The following RERE variants were observed in gnomAD, a reference collection of about 807,000 sequenced individuals.
RERE encodes arginine-glutamic acid dipeptide repeats protein.
In RERE, 40 loss-of-function variants were observed where a neutral mutation model predicts 146.1. The ratio of observed to expected loss-of-function variants is 0.27; its 90% CI spans 0.21 to 0.36. The LOEUF is 0.36. Among genes scored for constraint, RERE ranks in the 10% least tolerant of loss-of-function variants. RERE has a pLI of 1.00. For missense variants in RERE, 1,933 were observed against 2,138.7 expected, an observed-to-expected ratio of 0.90 and a Z score of 1.90; for synonymous variants, 1,003 against 866.0, an observed-to-expected ratio of 1.16 and a Z score of -2.78.
chr1:8,389,151 C>G (rs1183164083), intron 12 of RERE, among the ~76,000 whole-genome samples: 3 of 152,156 alleles, frequency 2.0e-5, no homozygotes, highest in African/African-American at 7.2e-5. Context: ...TTATCAAAAT[C>G]AGTCTAAAAT....
chr1:8,623,613 C>A (rs1646941380), intron 3 of RERE, among the ~76,000 whole-genome samples: 2 of 152,178 alleles, frequency 1.3e-5, no homozygotes, highest in Non-Finnish European at 2.9e-5. Context: ...TATTTGCAGA[C>A]CTCTGCCAAA....
intron 20 of RERE, among the ~76,000 whole-genome samples, chr1:8,357,655 G>A (rs1641350614): frequency 6.6e-6 from 1 of 152,234 alleles, no homozygotes; most frequent in East Asian, 1.9e-4. Context: ...CCTCTCCACA[G>A]CTGGTCAATG....
chr1:8,571,614 A>G lies in RERE; in HGVS notation c.523-14091T>C, dbSNP rs1486703352. Among the ~76,000 whole-genome samples the G allele has an allele frequency of 2.0e-5, 3 of 152,248 alleles. No homozygotes were observed. The East Asian group carries it at 5.8e-4, about 29-fold the overall frequency. ...CGTAAATCAGTCTGTCTTATCTTAA[A>G]TATCTTAATTATTTCTTCTCTTCCT... On this transcript the variant is annotated intron_variant, in intron 4 of 22. Coordinates refer to ENST00000400908, the MANE Select transcript of RERE (RefSeq NM_001042681.2).
At chr1:8,623,025 A>G (rs1431115665) in intron 3 of RERE, among the ~76,000 whole-genome samples, 2 of 152,252 alleles carry the variant, frequency 1.3e-5, no homozygotes, top group African/African-American at 4.8e-5. Flanking sequence ...GCCTAAGAGC[A>G]CAGACAGTGG....
chr1:8,780,927 TAAAG>T (rs1039593169), intron 1 of RERE, among the ~76,000 whole-genome samples: 2 of 151,768 alleles, frequency 1.3e-5, no homozygotes, highest in Non-Finnish European at 2.9e-5. Context: ...CATCCACAAT[TAAAG>T]AACCATGAGG....
chr1:8,564,654 C>A (rs192081576), intron 4 of RERE, among the ~76,000 whole-genome samples: 2,969 of 152,130 alleles, frequency 0.02, 44 homozygotes, highest in Non-Finnish European at 0.027. Flanking sequence ...CCAGGAATCC[C>A]ACTTCTGTGA....
intron 1 of RERE, among the ~76,000 whole-genome samples, chr1:8,777,965 T>G (rs1447660393): frequency 6.6e-6 from 1 of 151,962 alleles, no homozygotes; most frequent in Non-Finnish European, 1.5e-5. Context: ...AGTGATACCC[T>G]GCACAAATTA....
At chr1:8,416,598 A>AAGAAAAG (rs1553164002) in intron 12 of RERE, among the ~76,000 whole-genome samples, 1 of 147,684 alleles carries the variant, frequency 6.8e-6, no homozygotes, top group Non-Finnish European at 1.5e-5. Context: ...AAAAAAAAAA[A>AAGAAAAG]AAAAGAAAAG....
intron 2 of RERE, among the ~76,000 whole-genome samples, chr1:8,644,113 C>T (rs1647223132): frequency 6.6e-6 from 1 of 152,228 alleles, no homozygotes; most frequent in Non-Finnish European, 1.5e-5. Flanking sequence ...CAGCCCACAT[C>T]TATTTCCCCT....
chr1:8,544,985 T>G (rs1256806142), intron 6 of RERE, among the ~76,000 whole-genome samples: 1 of 152,188 alleles, frequency 6.6e-6, no homozygotes, highest in Non-Finnish European at 1.5e-5. Context: ...TAAAAATGTG[T>G]GTATATGTGT....
chr1:8,524,512 T>C (rs2124350354), intron 7 of RERE, among the ~76,000 whole-genome samples: 1 of 152,354 alleles, frequency 6.6e-6, no homozygotes, highest in East Asian at 1.9e-4. Context: ...CAATGCATAG[T>C]AAATTTCTTC....
rs1323765719 is a variant in RERE at position 8,565,183 on chromosome 1, G to A, written c.523-7660C>T. On this transcript the variant is annotated intron_variant, in intron 4 of 22. Transcript: ENST00000400908. ...CATGATTAATATAGTTAATAACAGTGTATTGTACATTTCAAAATTGGTAAG... is the reference window on the plus strand; with the variant it reads ...CATGATTAATATAGTTAATAACAGTATATTGTACATTTCAAAATTGGTAAG... 4.6e-5 allele frequency among the ~76,000 whole-genome samples: 7 copies of A among 152,112 alleles called. No homozygotes were observed. The East Asian group carries it at 1.2e-3, about 25-fold the overall frequency.
chr1:8,465,910 C>G lies in RERE; in HGVS notation c.1203+15G>C. On this transcript the variant is annotated intron_variant, in intron 11 of 22. Coordinates refer to ENST00000400908, the MANE Select transcript of RERE (RefSeq NM_001042681.2). Reference sequence around the variant, plus strand: ...GATGCCCCAGAGCACAAGGCAAATGCTGGTTCCTGCTCACCACTTCGTCCT... The same window carrying G: ...GATGCCCCAGAGCACAAGGCAAATGGTGGTTCCTGCTCACCACTTCGTCCT... The G allele has an allele frequency of 6.2e-7, 1 of 1,612,332 alleles. No individual in the cohort carries two copies. The highest frequency in any genetic ancestry group is 8.5e-7 in the Non-Finnish European group (1 of 1,178,422).
rs369783503 is a variant in RERE, at chr1:8,720,262, T to C, written c.-144-63821A>G. On this transcript the variant is annotated intron_variant, in intron 1 of 22. Coordinates refer to ENST00000400908, the MANE Select transcript of RERE (RefSeq NM_001042681.2). ...CACTCCAGCCTGGCGGCAGCAAGAC[T>C]CCATCTCAAAAAAAAAAAAAACAGC... Among the ~76,000 whole-genome samples, 175 of 137,930 alleles carry C rather than the reference T, an allele frequency of 1.3e-3. 3 individuals are homozygous for C. In the South Asian group the frequency reaches 0.039, roughly 31 times the overall value. 90.5% of individuals were successfully genotyped at this position (137,930 alleles called of 152,430 possible). A position where few individuals can be genotyped will look rare whatever the true frequency, so the allele number is the denominator to read the frequency against.
At chr1:8,525,368 G>A (rs74050217) in intron 7 of RERE, among the ~76,000 whole-genome samples, 4,286 of 152,194 alleles carry the variant, frequency 0.028, 178 homozygotes, top group African/African-American at 0.097. Flanking sequence ...GCTGCTCTGC[G>A]GCCCAGGCAT....
At chr1:8,501,376 A>T (rs867869283) in intron 8 of RERE, among the ~76,000 whole-genome samples, 1 of 49,614 alleles carries the variant, frequency 2.0e-5, no homozygotes, top group Non-Finnish European at 3.6e-5. Flanking sequence ...GTCCGGGAGG[A>T]AGGTGGGGGG....
intron 1 of RERE, among the ~76,000 whole-genome samples, chr1:8,717,062 G>A (rs1639778558): frequency 6.6e-6 from 1 of 152,124 alleles, no homozygotes. Flanking sequence ...ATGTATAAAT[G>A]AGAAATACAT....
At position 8,696,647 on chromosome 1, in the gene RERE, C is replaced by T. The variant is rs528292378; in HGVS notation, c.-144-40206G>A. ...GAACAAGGCTGGGCGCGGTGGTTCA[C>T]GCCTGTAATCCCAGCACTTTGGGAG... is the stretch of plus-strand genomic sequence containing the variant. On this transcript the variant is annotated intron_variant, in intron 1 of 22. Coordinates refer to ENST00000400908, the MANE Select transcript of RERE (RefSeq NM_001042681.2). Among the ~76,000 whole-genome samples the T allele has an allele frequency of 5.3e-5, 8 of 152,202 alleles. No individual in the cohort carries two copies. The East Asian group carries it at 1.4e-3, about 26-fold the overall frequency.
intron 1 of RERE, among the ~76,000 whole-genome samples, chr1:8,692,099 G>T (rs1639219339): frequency 1.3e-5 from 2 of 152,122 alleles, no homozygotes; most frequent in South Asian, 4.1e-4. Context: ...AGCAGAATGG[G>T]TTTATTTCTA....
Sources: allele counts gnomAD v4.1 joint callset (sites outside exome capture counted in the v4.1 genomes callset), GRCh38; gene constraint gnomAD v4.1.1; transcripts MANE v1.5; gene names NCBI Gene and HGNC (gene_info 2026-07-23, HGNC 2026-07-21).